Variants in RPA1 observed in about 807,000 individuals in gnomAD.
RPA1 encodes replication protein A1.
RPA1 carries 49 observed loss-of-function variants against 83.0 expected under a neutral mutation model. The observed-to-expected ratio is 0.59, with a 90% CI of 0.47 to 0.75. The LOEUF is 0.75. RPA1 is among the 30% of genes least tolerant of loss of function. RPA1 has a pLI of 0.00. For synonymous variants in RPA1, 279 were observed against 281.8 expected (o/e 0.99, Z 0.10); for missense variants, 693 against 776.1 (o/e 0.89, Z 1.27).
intron 5 of RPA1, among the ~76,000 whole-genome samples, chr17:1,861,963 G>A (rs987878781): frequency 3.3e-5 from 5 of 151,830 alleles, no homozygotes; most frequent in Non-Finnish European, 4.4e-5. Context: ...GCAGTGGCGC[G>A]GTCTCGGTTG....
rs191447230 is a variant in RPA1 at position 1,870,537 on chromosome 17, C to T, written c.362-1897C>T. Among the ~76,000 whole-genome samples, 464 of 152,334 alleles carry T rather than the reference C, an allele frequency of 3.0e-3. 5 individuals carry two copies. The Middle Eastern group carries it at 0.044, about 15-fold the overall frequency. ...AGTTCAGTGACATTAAGTCCATTAA[C>T]GTTGGCGTAAGCCATCATCACCATC... On this transcript the variant is annotated intron_variant, in intron 5 of 16. Coordinates refer to ENST00000254719, the MANE Select transcript of RPA1 (RefSeq NM_002945.5).
chr17:1,898,030 CCTTG>C lies in RPA1; in HGVS notation c.*859_*862del, dbSNP rs1914510869. ...AAAGGATTTTGAAGCCTTTTGTTTC[CCTTG>C]CTTTGTTTTAATAAACAGTATATTC... On this transcript the variant is annotated 3_prime_UTR_variant, in exon 17 of 17. Transcript: ENST00000254719. 6.6e-6 allele frequency: 1 copy of C among 152,080 alleles called. No homozygotes were observed. Among genetic ancestry groups the C allele is most frequent in the Admixed American group, 6.5e-5 (1 of 15,284 alleles). 9.4% of individuals were successfully genotyped at this position (152,080 alleles called of 1,614,324 possible).
At position 1,836,962 on chromosome 17, in the gene RPA1, C is replaced by T. The variant is rs562452561; in HGVS notation, c.34-5841C>T. ...AAGCGATTCTCTTCCCTCAGCCTCCCGAGTAGCTGGGATTACAGCCGCATG... is the reference window on the plus strand; with the variant it reads ...AAGCGATTCTCTTCCCTCAGCCTCCTGAGTAGCTGGGATTACAGCCGCATG... On this transcript the variant is annotated intron_variant, in intron 1 of 16. Coordinates refer to ENST00000254719, the MANE Select transcript of RPA1 (RefSeq NM_002945.5). Among the ~76,000 whole-genome samples, 13 of 151,958 alleles carry T rather than the reference C, an allele frequency of 8.6e-5. No homozygotes were observed. The South Asian group carries it at 2.5e-3, about 29-fold the overall frequency.
chr17:1,861,489 A>G (rs756395012), intron 5 of RPA1, among the ~76,000 whole-genome samples: 1 of 152,184 alleles, frequency 6.6e-6, no homozygotes, highest in Non-Finnish European at 1.5e-5. Context: ...TAGTTTTAAA[A>G]GTTGAATATT....
rs1402321701 is a variant in RPA1 at position 1,893,214 on chromosome 17, A to G, written c.1659+1274A>G. Among the ~76,000 whole-genome samples the G allele has an allele frequency of 5.9e-5, 9 of 152,234 alleles. No individual in the cohort carries two copies. In the East Asian group the frequency reaches 1.7e-3, roughly 29 times the overall value. On this transcript the variant is annotated intron_variant, in intron 15 of 16. Transcript: ENST00000254719. ...TTTGTCTGTTTTTACCTGGTCTTCAATTTTCGTATCAGATTTTAAGGCCCG... is the reference window on the plus strand; with the variant it reads ...TTTGTCTGTTTTTACCTGGTCTTCAGTTTTCGTATCAGATTTTAAGGCCCG...
chr17:1,851,974 G>A (rs769181945), intron 4 of RPA1, among the ~76,000 whole-genome samples: 2 of 152,214 alleles, frequency 1.3e-5, no homozygotes, highest in Non-Finnish European at 2.9e-5. Context: ...AGTCTAAAAC[G>A]TGATGAATTT....
chr17:1,833,407 TG>T (rs1036480015), intron 1 of RPA1, among the ~76,000 whole-genome samples: 2 of 152,094 alleles, frequency 1.3e-5, no homozygotes, highest in African/African-American at 4.8e-5. Context: ...AAAGGCAGCT[TG>T]GGGGAAAAAC....
At chr17:1,886,796 G>A (rs887428114) in intron 13 of RPA1, among the ~76,000 whole-genome samples, 3 of 150,560 alleles carry the variant, frequency 2.0e-5, no homozygotes, top group South Asian at 2.1e-4. Flanking sequence ...AGCCTCTGGA[G>A]TAGCTGGGAC....
At chr17:1,892,692 AAAC>A (rs1914250176) in intron 15 of RPA1, among the ~76,000 whole-genome samples, 1 of 152,228 alleles carries the variant, frequency 6.6e-6, no homozygotes, top group Admixed American at 6.5e-5. Flanking sequence ...CTGTCCTATA[AAAC>A]AATAATAATA....
At chr17:1,874,541 A>G (rs571686236) in intron 6 of RPA1, among the ~76,000 whole-genome samples, 1 of 152,352 alleles carries the variant, frequency 6.6e-6, no homozygotes, top group East Asian at 1.9e-4. Flanking sequence ...TCCCTAAACT[A>G]TGTAGTGAAA....
chr17:1,834,338 T>G (rs1465227180), intron 1 of RPA1, among the ~76,000 whole-genome samples: 1 of 152,206 alleles, frequency 6.6e-6, no homozygotes, highest in Non-Finnish European at 1.5e-5. Flanking sequence ...ATTATAGATG[T>G]GAGCCACTGC....
At position 1,880,667 on chromosome 17, in the gene RPA1, C is replaced by A. The variant is rs765395946; in HGVS notation, c.1217C>A (p.Pro406Gln). The A allele has an allele frequency of 1.2e-6, 2 of 1,613,704 alleles. No homozygotes were observed. Among genetic ancestry groups the A allele is most frequent in the African/African-American group, 1.3e-5 (1 of 74,912 alleles). ...ACTATCATTGCGAATCCTGACATCC[C>A]AGAGGCCTATAAGCTTCGTGGATGG... ...SSTIIANPDI[P>Q]EAYKLRGWFD... is the part of the protein sequence containing the mutation. The change falls in exon 12 of 17, where the codon CCA (proline) becomes CAA (glutamine). Residue 406 changes from proline to glutamine, a missense_variant. Coordinates refer to ENST00000254719, the MANE Select transcript of RPA1 (RefSeq NM_002945.5).
chr17:1,854,074 C>T (rs1912599116), intron 5 of RPA1: 1 of 152,044 alleles, frequency 6.6e-6, no homozygotes, highest in South Asian at 2.1e-4. Flanking sequence ...TTAATTTTCT[C>T]ATGAAAATGT....
At chr17:1,866,115 ACCTGCAGTCCTAG>A (rs1403205231) in intron 5 of RPA1, among the ~76,000 whole-genome samples, 24 of 151,920 alleles carry the variant, frequency 1.6e-4, no homozygotes, top group African/African-American at 5.6e-4. Flanking sequence ...GGTGGTGTAC[ACCTGCAGTCCTAG>A]CCACCCGGGA....
rs1218731371 is a variant in RPA1 at position 1,895,002 on chromosome 17, T to A, written c.1660-7T>A. 1 of 1,612,050 alleles carries A rather than the reference T, an allele frequency of 6.2e-7. No homozygotes were observed. Among genetic ancestry groups the A allele is most frequent in the African/African-American group, 1.3e-5 (1 of 74,842 alleles). ...CCATGTGTCAAGTTTTATGTTTGTT[T>A]TTGCAGAATGAACAGGCATTTGAAG... On this transcript the variant is annotated splice_region_variant and splice_polypyrimidine_tract_variant and intron_variant, in intron 15 of 16. Transcript: ENST00000254719.
chr17:1,845,196 A>G (rs66471999), intron 4 of RPA1, among the ~76,000 whole-genome samples: 48,857 of 137,592 alleles, frequency 0.36, 10,194 homozygotes, highest in Non-Finnish European at 0.49. Flanking sequence ...GTGTGTGTGT[A>G]CAATCTTGAA....
chr17:1,890,718 C>T (rs1360536527), intron 14 of RPA1, among the ~76,000 whole-genome samples: 1 of 152,138 alleles, frequency 6.6e-6, no homozygotes, highest in African/African-American at 2.4e-5. Context: ...GTTAGCTTAG[C>T]AGGACAGTTC....
rs1384429944 is a variant in RPA1 at position 1,880,639 on chromosome 17, A to G, written c.1189A>G (p.Ser397Gly). 2.5e-6 allele frequency: 4 copies of G among 1,614,084 alleles called. No homozygotes were observed. Among genetic ancestry groups the G allele is most frequent in the Admixed American group, 1.7e-5 (1 of 60,016 alleles). The change falls in exon 12 of 17, where the codon AGC (serine) becomes GGC (glycine). Residue 397 changes from serine (S) to glycine (G), a missense_variant. Ser to Gly is a moderately conservative substitution (Grantham distance 56, BLOSUM62 0). Transcript: ENST00000254719. ...ACGGAGCCTCTCCGTGCTGTCTTCAAGCACTATCATTGCGAATCCTGACAT... is the reference window on the plus strand; with the variant it reads ...ACGGAGCCTCTCCGTGCTGTCTTCAGGCACTATCATTGCGAATCCTGACAT... ...GGRSLSVLSS[S>G]TIIANPDIPE...
rs1055824887 is a variant in RPA1, at chr17:1,899,387, G to A, written c.*2212G>A. ...GCGTACACCATGACATCAGCGTTAG[G>A]CAATTAGGAGAAAAAAATCTAATCA... is the stretch of plus-strand genomic sequence containing the variant. On this transcript the variant is annotated 3_prime_UTR_variant, in exon 17 of 17. Coordinates refer to ENST00000254719, the MANE Select transcript of RPA1 (RefSeq NM_002945.5). 2 of 152,418 alleles carry A rather than the reference G, an allele frequency of 1.3e-5. No individual in the cohort carries two copies. Among genetic ancestry groups the A allele is most frequent in the Non-Finnish European group, 2.9e-5 (2 of 68,026 alleles). The allele number at this position is 152,418 out of a possible 1,614,324, so 9.4% of individuals were successfully genotyped here.
Sources: gnomAD v4.1 joint callset for allele counts (sites outside exome capture counted in the v4.1 genomes callset) on GRCh38, gnomAD v4.1.1 for gene constraint, MANE v1.5 for transcripts, NCBI Gene and HGNC (gene_info 2026-07-23, HGNC 2026-07-21) for gene names.